The following XYLT1 variants were observed in gnomAD, a reference collection of about 807,000 sequenced individuals.
XYLT1 encodes xylosyltransferase 1.
Under a neutral mutation model 91.3 loss-of-function variants are expected in XYLT1, and 36 were observed. The observed-to-expected ratio is 0.39, with a 90% confidence interval of 0.30 to 0.52. The LOEUF (loss-of-function observed/expected upper bound fraction) is 0.52. XYLT1 is among the 20% of genes least tolerant of loss of function. The probability of loss-of-function intolerance (pLI) is 0.68; values close to 1 mark genes in which losing one functional copy is unlikely to be tolerated. For synonymous variants in XYLT1, 588 were observed against 532.0 expected (o/e 1.11, Z -1.45); for missense variants, 1,242 against 1,284.5 (o/e 0.97, Z 0.51).
At position 17,129,075 on chromosome 16, in the gene XYLT1, A is replaced by G. The variant is rs1334812496; in HGVS notation, c.2028-1214T>C. On this transcript the variant is annotated intron_variant, in intron 9 of 11. Transcript: ENST00000261381. Reference sequence around the variant, plus strand: ...GGGATGCCTTCCAGGGAGCATAGAAAAAAAAAAAAAAAAAAAAAAAAACTT... The same window carrying G: ...GGGATGCCTTCCAGGGAGCATAGAAGAAAAAAAAAAAAAAAAAAAAAACTT... 7.5e-3 allele frequency among the ~76,000 whole-genome samples: 495 copies of G among 66,058 alleles called. 1 individual carries two copies. Among genetic ancestry groups the G allele is most frequent in the African/African-American group, 0.019 (467 of 24,002 alleles). The allele number at this position is 66,058 out of a possible 152,430, so 43.3% of individuals were successfully genotyped here.
At chr16:17,391,945 A>T (rs1485849988) in intron 1 of XYLT1, among the ~76,000 whole-genome samples, 2 of 152,106 alleles carry the variant, frequency 1.3e-5, no homozygotes, top group Non-Finnish European at 2.9e-5. Context: ...TTCCGTCATG[A>T]CTGCAAGGCC....
At chr16:17,331,723 T>C (rs974874513) in intron 2 of XYLT1, among the ~76,000 whole-genome samples, 9 of 152,276 alleles carry the variant, frequency 5.9e-5, no homozygotes, top group African/African-American at 9.6e-5. Context: ...TTATCTCAGA[T>C]TGAGTCCACA....
rs571034332 is a variant in XYLT1, at chr16:17,298,289, G to A, written c.403-38791C>T. Among the ~76,000 whole-genome samples the A allele has an allele frequency of 9.3e-4, 142 of 152,210 alleles. 1 individual carries two copies. The highest frequency in any genetic ancestry group is 6.8e-3 in the Middle Eastern group (2 of 294). On this transcript the variant is annotated intron_variant, in intron 2 of 11. Transcript: ENST00000261381. ...GGAGGTATAGTGTGTCCAGTTGCAG[G>A]ACCAAAAAACCTTGGCCCATAACTA...
At chr16:17,380,458 G>A (rs972621151) in intron 1 of XYLT1, among the ~76,000 whole-genome samples, 7 of 152,158 alleles carry the variant, frequency 4.6e-5, no homozygotes, top group African/African-American at 1.7e-4. Context: ...GACAGAGACT[G>A]GAAAAGAAGG....
chr16:17,462,328 A>T (rs534395797), intron 1 of XYLT1, among the ~76,000 whole-genome samples: 1 of 152,288 alleles, frequency 6.6e-6, no homozygotes, highest in African/African-American at 2.4e-5. Context: ...CCCCTTCCTC[A>T]TCTGGCAGGG....
rs1213995686 is a variant in XYLT1, at chr16:17,429,733, C to G, written c.363+40701G>C. Reference sequence around the variant, plus strand: ...GAGGGAGAGAAAGAAATTTATTTTTCTTGCATTACTGCGTGAGCTGAGACA... The same window carrying G: ...GAGGGAGAGAAAGAAATTTATTTTTGTTGCATTACTGCGTGAGCTGAGACA... On this transcript the variant is annotated intron_variant, in intron 1 of 11. Transcript: ENST00000261381. 8.5e-5 allele frequency among the ~76,000 whole-genome samples: 13 copies of G among 152,226 alleles called. No individual in the cohort carries two copies. In the South Asian group the frequency reaches 2.5e-3, roughly 29 times the overall value.
intron 2 of XYLT1, among the ~76,000 whole-genome samples, chr16:17,353,783 T>C (rs1012751638): frequency 6.6e-6 from 1 of 152,244 alleles, no homozygotes; most frequent in African/African-American, 2.4e-5. Context: ...TTTGCCTGAA[T>C]GTTAGCAAAT....
chr16:17,457,535 C>T (rs1032192679), intron 1 of XYLT1, among the ~76,000 whole-genome samples: 18 of 152,342 alleles, frequency 1.2e-4, no homozygotes, highest in Middle Eastern at 6.8e-3. Context: ...CCTTAGGAGA[C>T]GTTTAGCTTA....
intron 2 of XYLT1, among the ~76,000 whole-genome samples, chr16:17,332,631 G>A (rs531135582): frequency 7.9e-5 from 12 of 151,248 alleles, no homozygotes; most frequent in African/African-American, 2.4e-4. Flanking sequence ...AGCAAAGTGG[G>A]ACTATTACAA....
At chr16:17,272,458 C>A (rs2033912452) in intron 2 of XYLT1, among the ~76,000 whole-genome samples, 1 of 152,110 alleles carries the variant, frequency 6.6e-6, no homozygotes. Context: ...AGCCACTGCG[C>A]CCGGCCATGT....
intron 1 of XYLT1, among the ~76,000 whole-genome samples, chr16:17,409,546 CTTTTTTT>C (rs35377886): frequency 5.1e-5 from 6 of 117,338 alleles, no homozygotes; most frequent in South Asian, 2.7e-4. Flanking sequence ...TATTGAGACA[CTTTTTTT>C]TTTTTTTTTT....
chr16:17,292,122 C>CTG (rs930374417), intron 2 of XYLT1, among the ~76,000 whole-genome samples: 3 of 150,048 alleles, frequency 2.0e-5, no homozygotes, highest in Non-Finnish European at 4.4e-5. Flanking sequence ...ACATATATAT[C>CTG]TGTGTGTGTC....
At chr16:17,306,943 G>C (rs911003522) in intron 2 of XYLT1, among the ~76,000 whole-genome samples, 1 of 152,220 alleles carries the variant, frequency 6.6e-6, no homozygotes, top group African/African-American at 2.4e-5. Flanking sequence ...GAGTGAGTCA[G>C]AGCTGAAGCC....
chr16:17,332,311 C>T (rs919311052), intron 2 of XYLT1, among the ~76,000 whole-genome samples: 3 of 152,156 alleles, frequency 2.0e-5, no homozygotes, highest in Non-Finnish European at 2.9e-5. Context: ...CCTATAATCC[C>T]AGCACTTTGG....
chr16:17,469,596 G>GA lies in XYLT1; in HGVS notation c.363+837dup, dbSNP rs138566200. On this transcript the variant is annotated intron_variant, in intron 1 of 11. Coordinates refer to ENST00000261381, the MANE Select transcript of XYLT1 (RefSeq NM_022166.4). ...CCACCCAGATGGCCCCAGATCTGCG[G>GA]AAAAAACAGTTTCAGAGCCCTGACT... 5.2e-3 allele frequency among the ~76,000 whole-genome samples: 799 copies of GA among 152,300 alleles called. 5 individuals carry two copies. Among genetic ancestry groups the GA allele is most frequent in the African/African-American group, 0.016 (663 of 41,564 alleles).
At chr16:17,164,118 G>T (rs2141548262) in intron 5 of XYLT1, among the ~76,000 whole-genome samples, 1 of 148,386 alleles carries the variant, frequency 6.7e-6, no homozygotes, top group Admixed American at 6.8e-5. Context: ...GCAAGTTGAG[G>T]AAGTTGAGGG....
intron 3 of XYLT1, among the ~76,000 whole-genome samples, chr16:17,208,086 A>G (rs1407408502): frequency 6.6e-6 from 1 of 151,976 alleles, no homozygotes; most frequent in African/African-American, 2.4e-5. Context: ...TTCTGGGCTC[A>G]AGGGATCCTC....
intron 1 of XYLT1, among the ~76,000 whole-genome samples, chr16:17,433,572 G>A (rs1308752513): frequency 6.6e-6 from 1 of 152,138 alleles, no homozygotes; most frequent in Non-Finnish European, 1.5e-5. Flanking sequence ...GACAGAACTT[G>A]GGGCTAGAAA....
chr16:17,175,382 G>A (rs1041947875), intron 5 of XYLT1, among the ~76,000 whole-genome samples: 7 of 152,148 alleles, frequency 4.6e-5, no homozygotes, highest in Middle Eastern at 3.4e-3. Flanking sequence ...GTTACATATC[G>A]GCTCAGTTTG....
Sources: allele counts gnomAD v4.1 joint callset (sites outside exome capture counted in the v4.1 genomes callset), GRCh38; gene constraint gnomAD v4.1.1; transcripts MANE v1.5; gene names NCBI Gene and HGNC (gene_info 2026-07-23, HGNC 2026-07-21).